The following EPC2 variants were observed in gnomAD, a reference collection of about 807,000 sequenced individuals.
EPC2 encodes the protein enhancer of polycomb homolog 2.
EPC2 carries 14 observed loss-of-function variants against 92.1 expected under a neutral mutation model. That is an observed-to-expected ratio of 0.15 (90% CI 0.10 to 0.24). The LOEUF (loss-of-function observed/expected upper bound fraction) is 0.24. Ranked by LOEUF, EPC2 falls within the 10% of genes least tolerant of loss-of-function variation. EPC2 has a pLI of 1.00. For missense variants in EPC2, 755 were observed against 971.5 expected, an observed-to-expected ratio of 0.78 and a Z score of 2.96; for synonymous variants, 340 against 334.7, an observed-to-expected ratio of 1.02 and a Z score of -0.17.
intron 2 of EPC2, among the ~76,000 whole-genome samples, chr2:148,690,999 C>G (rs1195229206): frequency 6.6e-6 from 1 of 152,160 alleles, no homozygotes; most frequent in African/African-American, 2.4e-5. Context: ...CCCTAATGCC[C>G]AGGAGTAGTC....
At chr2:148,742,784 C>CAAAA (rs5835210) in intron 2 of EPC2, among the ~76,000 whole-genome samples, 2 of 135,094 alleles carry the variant, frequency 1.5e-5, no homozygotes, top group South Asian at 2.3e-4. Context: ...GACCTTGCCT[C>CAAAA]AAAAAAAAAA....
Position 148,695,115 on chromosome 2 carries a change from C to A in EPC2, c.313+4742C>A, listed in dbSNP as rs141242363. 3.9e-4 allele frequency among the ~76,000 whole-genome samples: 59 copies of A among 152,298 alleles called. No homozygotes were observed. In the East Asian group the frequency reaches 9.6e-3, roughly 25 times the overall value. ...TAAGTATTCTGAAGTTAATTTGTAT[C>A]CAGTTTTGAACTCAGTTAAATAGTT... On this transcript the variant is annotated intron_variant, in intron 2 of 13. Coordinates refer to ENST00000258484, the MANE Select transcript of EPC2 (RefSeq NM_015630.4).
chr2:148,712,068 G>T (rs570622609), intron 2 of EPC2, among the ~76,000 whole-genome samples: 1 of 152,242 alleles, frequency 6.6e-6, no homozygotes, highest in Non-Finnish European at 1.5e-5. Flanking sequence ...TATTTAAAGT[G>T]ATTATTGATT....
At chr2:148,757,845 A>G (rs759143252) in intron 4 of EPC2, among the ~76,000 whole-genome samples, 7 of 151,982 alleles carry the variant, frequency 4.6e-5, no homozygotes, top group Non-Finnish European at 7.4e-5. Flanking sequence ...CAAAAATAAT[A>G]AAATAAAATA....
intron 2 of EPC2, among the ~76,000 whole-genome samples, chr2:148,714,648 T>C (rs925395934): frequency 9.2e-5 from 14 of 152,252 alleles, no homozygotes; most frequent in Admixed American, 7.2e-4. Context: ...TTGATTTGCA[T>C]TTCTCTAATG....
intron 2 of EPC2, among the ~76,000 whole-genome samples, chr2:148,706,122 G>A (rs1438418744): frequency 6.6e-6 from 1 of 152,144 alleles, no homozygotes. Flanking sequence ...TAGACGAATG[G>A]CTAACTAGAA....
chr2:148,681,911 C>T (rs1681405213), intron 1 of EPC2, among the ~76,000 whole-genome samples: 1 of 152,084 alleles, frequency 6.6e-6, no homozygotes, highest in Admixed American at 6.6e-5. Context: ...GTGATGTTCC[C>T]CACCTTGTGT....
intron 11 of EPC2, 111 bp from the exon 12 acceptor site, chr2:148,783,486 G>A (rs1574641997): frequency 1.0e-6 from 1 of 999,468 alleles, no homozygotes; most frequent in Admixed American, 2.6e-5. Context: ...CTAAACACTT[G>A]TAATTGTTCA....
intron 1 of EPC2, among the ~76,000 whole-genome samples, chr2:148,652,499 G>A (rs16829125): frequency 0.15 from 22,260 of 152,086 alleles, 2,454 homozygotes; most frequent in East Asian, 0.46. Flanking sequence ...GATGAGTTTT[G>A]TTTGACCGCG....
chr2:148,769,105 C>T, intron 7 of EPC2, 46 bp from the exon 8 acceptor site: 1 of 1,227,908 alleles, frequency 8.1e-7, no homozygotes, highest in Non-Finnish European at 1.2e-6. Flanking sequence ...AAACATTGAT[C>T]TATTGACTTT....
intron 2 of EPC2, among the ~76,000 whole-genome samples, chr2:148,742,657 G>A (rs1039232988): frequency 9.9e-5 from 15 of 151,788 alleles, no homozygotes; most frequent in Non-Finnish European, 1.6e-4. Context: ...GTGCACACCT[G>A]TAGTCCCAAC....
intron 10 of EPC2, among the ~76,000 whole-genome samples, chr2:148,775,503 G>A (rs1683614573): frequency 6.6e-6 from 1 of 151,620 alleles, no homozygotes; most frequent in Admixed American, 6.6e-5. Flanking sequence ...CTAATGCATG[G>A]TTGCAAATTA....
At chr2:148,756,535 G>A (rs1375655937) in intron 4 of EPC2, among the ~76,000 whole-genome samples, 1 of 152,172 alleles carries the variant, frequency 6.6e-6, no homozygotes, top group Non-Finnish European at 1.5e-5. Context: ...TGAAATATTT[G>A]TTTGGCTGTC....
chr2:148,735,847 A>G (rs1370254636), intron 2 of EPC2, among the ~76,000 whole-genome samples: 2 of 151,752 alleles, frequency 1.3e-5, no homozygotes, highest in Admixed American at 6.6e-5. Flanking sequence ...GATCTCATTT[A>G]TCTTACTTTT....
At chr2:148,762,195 G>C in intron 5 of EPC2, 1 of 238,178 alleles carries the variant, frequency 4.2e-6, no homozygotes, top group South Asian at 8.3e-5. Context: ...ATTTTATTTA[G>C]TAAAGAACTC....
intron 2 of EPC2, among the ~76,000 whole-genome samples, chr2:148,737,064 C>G (rs1682772273): frequency 6.6e-6 from 1 of 152,172 alleles, no homozygotes. Flanking sequence ...TGCCATTGCA[C>G]TCCAGCCTGG....
At chr2:148,661,787 C>T (rs1276638213) in intron 1 of EPC2, among the ~76,000 whole-genome samples, 4 of 151,972 alleles carry the variant, frequency 2.6e-5, no homozygotes, top group African/African-American at 9.7e-5. Context: ...TTTTTGGCAT[C>T]TGTGGAGATT....
intron 3 of EPC2, among the ~76,000 whole-genome samples, chr2:148,746,096 T>G (rs1682979778): frequency 1.3e-5 from 2 of 152,064 alleles, no homozygotes; most frequent in Non-Finnish European, 2.9e-5. Context: ...TCCCTTTCAT[T>G]CAACTCCTGT....
At chr2:148,647,733 A>G (rs187050392) in intron 1 of EPC2, among the ~76,000 whole-genome samples, 333 of 146,042 alleles carry the variant, frequency 2.3e-3, no homozygotes, top group Non-Finnish European at 3.9e-3. Flanking sequence ...CCCGGGTTCA[A>G]GTGATTCTCC....
Sources: allele counts gnomAD v4.1 joint callset (sites outside exome capture counted in the v4.1 genomes callset), GRCh38; gene constraint gnomAD v4.1.1; transcripts MANE v1.5; gene names NCBI Gene and HGNC (gene_info 2026-07-23, HGNC 2026-07-21).